The following PROS1 variants were observed in gnomAD, a reference collection of about 807,000 sequenced individuals.
The protein encoded by PROS1 is protein S.
In PROS1, 29 loss-of-function variants were observed where a neutral mutation model predicts 75.9. The ratio of observed to expected loss-of-function variants is 0.38; its 90% CI spans 0.28 to 0.52. The LOEUF (loss-of-function observed/expected upper bound fraction) is 0.52, where lower values mean the gene tolerates loss of function less well. Among genes scored for constraint, PROS1 ranks in the 20% least tolerant of loss-of-function variants. The pLI is 0.83. For missense variants in PROS1, 680 were observed against 810.3 expected (o/e 0.84, Z 1.95); for synonymous variants, 245 against 280.6 (o/e 0.87, Z 1.27).
At chr3:93,926,613 C>T (rs1376431565) in intron 2 of PROS1, among the ~76,000 whole-genome samples, 1 of 152,156 alleles carries the variant, frequency 6.6e-6, no homozygotes, top group Non-Finnish European at 1.5e-5. Context: ...GCCTGGGCAA[C>T]AGAAAGAGAC....
At chr3:93,948,321 C>A (rs531434482) in intron 1 of PROS1, among the ~76,000 whole-genome samples, 152 of 151,694 alleles carry the variant, frequency 1.0e-3, no homozygotes, top group Middle Eastern at 6.8e-3. Flanking sequence ...AAATTGAGAA[C>A]TAAAGTATGA....
rs139786558 is a variant in PROS1 at position 93,898,559 on chromosome 3, T to C, written c.738A>G (p.Glu246=). The change falls in exon 8 of 15, where the codon GAA becomes GAG. Residue 246 remains glutamate, a synonymous_variant. Transcript: ENST00000394236. ...GCTGAGCACACATGTTCTCAGAGCA[T>C]TCATCTATATCTGAGGTAAAAAAAA... is the stretch of plus-strand genomic sequence containing the variant. ...LKSKSCEDID[E]CSENMCAQLC... is the part of the protein sequence containing the mutation. The C allele has an allele frequency of 6.2e-7, 1 of 1,612,280 alleles. No homozygotes were observed. Among genetic ancestry groups the C allele is most frequent in the African/African-American group, 1.3e-5 (1 of 74,838 alleles).
chr3:93,940,814 GC>G (rs1576206004), intron 1 of PROS1, among the ~76,000 whole-genome samples: 1 of 152,228 alleles, frequency 6.6e-6, no homozygotes, highest in East Asian at 1.9e-4. Flanking sequence ...TACAGCATGG[GC>G]TTCTAAAACT....
intron 14 of PROS1, among the ~76,000 whole-genome samples, chr3:93,875,285 A>T (rs1302837075): frequency 6.6e-6 from 1 of 152,082 alleles, no homozygotes; most frequent in Non-Finnish European, 1.5e-5. Context: ...GGGTTTTAGT[A>T]CTTCACATGG....
At chr3:93,898,413 A>G (rs1708534821) in intron 8 of PROS1, 35 bp downstream of exon 8, 1 of 1,609,646 alleles carries the variant, frequency 6.2e-7, no homozygotes, top group South Asian at 1.1e-5. Flanking sequence ...CATTTTAGAA[A>G]ACAGGTGAGA....
At chr3:93,887,198 G>T (rs900906422) in intron 10 of PROS1, among the ~76,000 whole-genome samples, 2 of 152,144 alleles carry the variant, frequency 1.3e-5, no homozygotes, top group Non-Finnish European at 2.9e-5. Context: ...GATTACAGGC[G>T]TGAGCCACCG....
intron 2 of PROS1, among the ~76,000 whole-genome samples, chr3:93,924,649 C>G (rs1708989498): frequency 6.6e-6 from 1 of 150,514 alleles, no homozygotes; most frequent in African/African-American, 2.4e-5. Flanking sequence ...TGTTGAATCA[C>G]AGTAACGTAC....
At chr3:93,898,648 T>C in intron 7 of PROS1, 79 bp from the exon 8 acceptor site, 1 of 1,522,664 alleles carries the variant, frequency 6.6e-7, no homozygotes, top group Non-Finnish European at 9.1e-7. Context: ...AATATTATGA[T>C]TGTAGTATGA....
intron 7 of PROS1, among the ~76,000 whole-genome samples, chr3:93,898,890 T>C (rs960643157): frequency 9.2e-5 from 14 of 152,014 alleles, no homozygotes; most frequent in African/African-American, 3.1e-4. Context: ...AACTTAACTG[T>C]CATTTCTGAT....
chr3:93,879,957 C>G (rs1218750287), intron 12 of PROS1, among the ~76,000 whole-genome samples: 2 of 152,042 alleles, frequency 1.3e-5, no homozygotes, highest in East Asian at 3.9e-4. Flanking sequence ...CTTTGTTTTC[C>G]CCAGCACTCA....
At chr3:93,884,607 TA>T (rs1390505476) in intron 12 of PROS1, 120 bp downstream of exon 12, 1 of 1,154,152 alleles carries the variant, frequency 8.7e-7, no homozygotes, top group Admixed American at 2.4e-5. Flanking sequence ...TGAATAAGCA[TA>T]AGACTAGAGT....
Position 93,973,814 on chromosome 3 carries a change from C to T in PROS1, c.-65G>A. 2.1e-6 allele frequency: 3 copies of T among 1,401,780 alleles called. No homozygotes were observed. Among genetic ancestry groups the T allele is most frequent in the East Asian group, 2.5e-5 (1 of 40,314 alleles). 86.8% of individuals were successfully genotyped at this position (1,401,780 alleles called of 1,614,324 possible). A position where few individuals can be genotyped will look rare whatever the true frequency, so the allele number is the denominator to read the frequency against. On this transcript the variant is annotated 5_prime_UTR_variant, in exon 1 of 15. Coordinates refer to ENST00000394236, the MANE Select transcript of PROS1 (RefSeq NM_000313.4). Reference sequence around the variant, plus strand: ...TCGCGGCGGGGACCGGAGCGCTAGGCGCCGCGGAGCTGCGAGCCTGTGCGC... The same window carrying T: ...TCGCGGCGGGGACCGGAGCGCTAGGTGCCGCGGAGCTGCGAGCCTGTGCGC...
chr3:93,945,607 C>T (rs1360663803), intron 1 of PROS1, among the ~76,000 whole-genome samples: 1 of 152,212 alleles, frequency 6.6e-6, no homozygotes, highest in African/African-American at 2.4e-5. Context: ...CAAAATTCAA[C>T]AGCTCTTCAT....
chr3:93,900,173 G>C (rs1276322763), intron 7 of PROS1, among the ~76,000 whole-genome samples: 1 of 152,194 alleles, frequency 6.6e-6, no homozygotes, highest in Non-Finnish European at 1.5e-5. Flanking sequence ...GAAGCTTCCT[G>C]ATGCACACAG....
rs144652978 is a variant in PROS1, at chr3:93,879,513, G to A, written c.1493-199C>T. On this transcript the variant is annotated intron_variant, in intron 12 of 14. Coordinates refer to ENST00000394236, the MANE Select transcript of PROS1 (RefSeq NM_000313.4). ...TGCAGGCAAGAAACATGCAAATGGA[G>A]TACCATCTTCCCGTTCTTCCTAGAA... Among the ~76,000 whole-genome samples, 424 of 152,292 alleles carry A rather than the reference G, an allele frequency of 2.8e-3. 5 individuals are homozygous for A. Among genetic ancestry groups the A allele is most frequent in the Middle Eastern group, 0.01 (3 of 294 alleles).
chr3:93,955,813 C>T (rs369804849), intron 1 of PROS1, among the ~76,000 whole-genome samples: 39 of 151,746 alleles, frequency 2.6e-4, no homozygotes, highest in South Asian at 4.2e-4. Flanking sequence ...AGATGGAGGA[C>T]GAAAGATAAT....
Position 93,914,883 on chromosome 3 carries a change from C to T in PROS1, c.260-4178G>A, listed in dbSNP as rs1708816693. ...TTGTATTATTCTTAAACCTTTGCATCCTCATAGTTTAGCTCCCACTTATGA... is the reference window on the plus strand; with the variant it reads ...TTGTATTATTCTTAAACCTTTGCATTCTCATAGTTTAGCTCCCACTTATGA... On this transcript the variant is annotated intron_variant, in intron 3 of 14. Transcript: ENST00000394236. 2.6e-5 allele frequency among the ~76,000 whole-genome samples: 4 copies of T among 152,142 alleles called. No homozygotes were observed. The South Asian group carries it at 6.2e-4, about 24-fold the overall frequency.
At position 93,964,799 on chromosome 3, in the gene PROS1, C is replaced by G. The variant is rs140227357; in HGVS notation, c.76+8875G>C. Among the ~76,000 whole-genome samples the G allele has an allele frequency of 2.0e-5, 3 of 152,262 alleles. No homozygotes were observed. The East Asian group carries it at 5.8e-4, about 29-fold the overall frequency. On this transcript the variant is annotated intron_variant, in intron 1 of 14. Transcript: ENST00000394236. ...ACAGTCCTACAGATACGTGGCGTCA[C>G]CCCCGGAGGTGCAGCTGTAAAATTC...
intron 1 of PROS1, among the ~76,000 whole-genome samples, chr3:93,951,087 G>C (rs1709487490): frequency 6.6e-6 from 1 of 152,108 alleles, no homozygotes; most frequent in Admixed American, 6.6e-5. Context: ...AAGAAATATG[G>C]GACTATGTGA....
Sources: gnomAD v4.1 joint callset for allele counts (sites outside exome capture counted in the v4.1 genomes callset) on GRCh38, gnomAD v4.1.1 for gene constraint, MANE v1.5 for transcripts, NCBI Gene and HGNC (gene_info 2026-07-23, HGNC 2026-07-21) for gene names.